VPS45: variants seen among roughly 807,000 people sequenced by gnomAD.
VPS45 encodes vacuolar protein sorting 45 homolog, also known as vacuolar protein sorting-associated protein 45.
VPS45 carries 35 observed loss-of-function variants against 75.9 expected under a neutral mutation model. That is an observed-to-expected ratio of 0.46 (90% CI 0.35 to 0.61). The LOEUF is 0.61. Among genes scored for constraint, VPS45 ranks in the 20% least tolerant of loss-of-function variants. The pLI is 0.00. For missense variants in VPS45, 559 were observed against 685.9 expected, an observed-to-expected ratio of 0.81 and a Z score of 2.07; for synonymous variants, 220 against 238.2, an observed-to-expected ratio of 0.92 and a Z score of 0.70.
chr1:150,110,294 C>T, intron 13 of VPS45: 1 of 479,760 alleles, frequency 2.1e-6, no homozygotes, highest in South Asian at 3.7e-5. Flanking sequence ...AAACAGAAAG[C>T]AAATCACTAT....
In VPS45 at chr1:150,091,988, C is replaced by T. The variant is rs1553801993; in HGVS notation, c.1156C>T (p.Arg386Cys). ...NPKVTEFDAA[R>C]LVMLYALHYE... The stretch of plus-strand genomic sequence containing the variant: ...CAAAGTGACAGAGTTTGATGCTGCC[C>T]GCCTGGTGATGCTTTATGCTTTACA... The change falls in exon 11 of 15, where the codon CGC becomes TGC. Residue 386 changes from arginine to cysteine, a missense_variant. Physicochemically the swap from Arg to Cys is radical, Grantham distance 180. Coordinates refer to ENST00000644510, the MANE Select transcript of VPS45 (RefSeq NM_007259.5). 10 of 1,613,880 alleles carry T rather than the reference C, an allele frequency of 6.2e-6. No individual in the cohort carries two copies. Among genetic ancestry groups the T allele is most frequent in the African/African-American group, 1.3e-5 (1 of 74,864 alleles).
At chr1:150,086,825 AT>A (rs34449663) in intron 10 of VPS45, among the ~76,000 whole-genome samples, 1 of 152,042 alleles carries the variant, frequency 6.6e-6, no homozygotes, top group South Asian at 2.1e-4. Context: ...TGTTAGGCTC[AT>A]TTTTGTCAGA....
chr1:150,113,334 A>G (rs1443616889), intron 14 of VPS45, among the ~76,000 whole-genome samples: 3 of 152,222 alleles, frequency 2.0e-5, no homozygotes, highest in Admixed American at 6.5e-5. Context: ...CTGTGATACC[A>G]CATACATACA....
chr1:150,110,848 T>C (rs1183182220), intron 14 of VPS45, among the ~76,000 whole-genome samples: 1 of 152,170 alleles, frequency 6.6e-6, no homozygotes, highest in African/African-American at 2.4e-5. Context: ...GTCAAAGACC[T>C]AGAAAGTAAG....
chr1:150,077,391 AC>A (rs1553798364), intron 6 of VPS45, 160 bp downstream of exon 6: 1 of 959,692 alleles, frequency 1.0e-6, no homozygotes, highest in East Asian at 2.6e-5. Context: ...ACAAAAAGCA[AC>A]AATTAGAGCT....
chr1:150,142,897 C>A (rs1396527937), intron 14 of VPS45: 1 of 449,610 alleles, frequency 2.2e-6, no homozygotes, highest in African/African-American at 2.0e-5. Context: ...AAGCGATCCA[C>A]CCGCCTCAGC....
chr1:150,132,681 T>A (rs1276406856), intron 14 of VPS45, among the ~76,000 whole-genome samples: 4 of 152,228 alleles, frequency 2.6e-5, no homozygotes, highest in Non-Finnish European at 5.9e-5. Context: ...CCCTTTGGTC[T>A]TGTTCGAAGC....
chr1:150,090,632 G>A (rs891668505), intron 10 of VPS45, among the ~76,000 whole-genome samples: 19 of 151,976 alleles, frequency 1.3e-4, no homozygotes, highest in African/African-American at 4.3e-4. Flanking sequence ...AATCTCCACC[G>A]GCATTTGCAC....
At chr1:150,141,305 C>T (rs1362473774) in intron 14 of VPS45, among the ~76,000 whole-genome samples, 1 of 152,074 alleles carries the variant, frequency 6.6e-6, no homozygotes, top group African/African-American at 2.4e-5. Flanking sequence ...CTAGATTCCC[C>T]TTGGTGTCTT....
intron 13 of VPS45, among the ~76,000 whole-genome samples, chr1:150,096,840 A>T (rs1464494484): frequency 6.6e-6 from 1 of 152,210 alleles, no homozygotes; most frequent in African/African-American, 2.4e-5. Context: ...TACCAATTCT[A>T]CTTCTAAAAG....
chr1:150,144,354 C>T (rs1659563707), intron 14 of VPS45, among the ~76,000 whole-genome samples: 1 of 152,096 alleles, frequency 6.6e-6, no homozygotes, highest in South Asian at 2.1e-4. Flanking sequence ...TTCAAGAGTA[C>T]AGATAACAGG....
chr1:150,102,167 G>T (rs999407438), intron 13 of VPS45, among the ~76,000 whole-genome samples: 1 of 151,042 alleles, frequency 6.6e-6, no homozygotes, highest in Non-Finnish European at 1.5e-5. Context: ...GAACCCGGGA[G>T]GTGGAGATTG....
intron 7 of VPS45, among the ~76,000 whole-genome samples, chr1:150,078,282 C>T (rs1655508504): frequency 6.6e-6 from 1 of 152,222 alleles, no homozygotes; most frequent in Non-Finnish European, 1.5e-5. Context: ...AACTCCTGAA[C>T]TTGGCATCCA....
intron 13 of VPS45, among the ~76,000 whole-genome samples, chr1:150,102,624 A>C (rs1657105880): frequency 6.6e-6 from 1 of 152,048 alleles, no homozygotes; most frequent in South Asian, 2.1e-4. Context: ...GAATCAACCT[A>C]AATGCCCACC....
chr1:150,117,508 G>A (rs956406114), intron 14 of VPS45, among the ~76,000 whole-genome samples: 3 of 149,002 alleles, frequency 2.0e-5, no homozygotes, highest in Non-Finnish European at 4.5e-5. Flanking sequence ...GGCAGCAAGA[G>A]TGAGACTCTG....
chr1:150,081,907 G>C lies in VPS45; in HGVS notation c.846G>C (p.Glu282Asp), dbSNP rs781916419. Residue 282 changes from glutamate (E) to aspartate (D), a missense_variant, in exon 9 of 15, where the codon GAG becomes GAC. Transcript: ENST00000644510. ...YANNMYLNFA[E>D]IGSNIKNLME... ...AGAATATGTACCTGAACTTTGCTGA[G>C]ATTGGTAGCAATATAAAGAATCTCA... is the stretch of plus-strand genomic sequence containing the variant. 4 of 1,612,684 alleles carry C rather than the reference G, an allele frequency of 2.5e-6. No homozygotes were observed. The highest frequency in any genetic ancestry group is 3.4e-6 in the Non-Finnish European group (4 of 1,179,322).
At chr1:150,119,028 A>G (rs1289039870) in intron 14 of VPS45, among the ~76,000 whole-genome samples, 1 of 152,208 alleles carries the variant, frequency 6.6e-6, no homozygotes, top group Admixed American at 6.5e-5. Flanking sequence ...TTACTTTTGT[A>G]AATAGATAGC....
intron 13 of VPS45, among the ~76,000 whole-genome samples, chr1:150,094,609 G>A (rs1450599108): frequency 6.6e-6 from 1 of 152,068 alleles, no homozygotes; most frequent in Non-Finnish European, 1.5e-5. Flanking sequence ...TAAATTCAGA[G>A]AGTACACTCA....
chr1:150,079,991 A>G (rs1428711614), intron 7 of VPS45, among the ~76,000 whole-genome samples: 1 of 152,222 alleles, frequency 6.6e-6, no homozygotes, highest in African/African-American at 2.4e-5. Flanking sequence ...CACGTACTAA[A>G]CTAAGTACTA....
Sources: allele counts gnomAD v4.1 joint callset (sites outside exome capture counted in the v4.1 genomes callset), GRCh38; gene constraint gnomAD v4.1.1; transcripts MANE v1.5; gene names NCBI Gene and HGNC (gene_info 2026-07-23, HGNC 2026-07-21).